ADGRG6: variants seen among roughly 807,000 people sequenced by gnomAD.
ADGRG6 encodes adhesion G protein-coupled receptor G6, also known as G-protein coupled receptor 126.
ADGRG6 carries 84 observed loss-of-function variants against 142.4 expected under a neutral mutation model. The ratio of observed to expected loss-of-function variants is 0.59; its 90% CI spans 0.49 to 0.71. The LOEUF is 0.71. ADGRG6 is among the 30% of genes least tolerant of loss of function. The probability of loss-of-function intolerance (pLI) is 0.00; values close to 1 mark genes in which losing one functional copy is unlikely to be tolerated. For synonymous variants in ADGRG6, 521 were observed against 520.5 expected (o/e 1.00, Z -0.01); for missense variants, 1,367 against 1,466.6 (o/e 0.93, Z 1.11).
intron 2 of ADGRG6, among the ~76,000 whole-genome samples, chr6:142,317,046 C>T (rs1278089266): frequency 6.6e-6 from 1 of 152,082 alleles, no homozygotes; most frequent in African/African-American, 2.4e-5. Flanking sequence ...TTCAATACTG[C>T]TGATAACCTA....
chr6:142,330,222 G>T (rs1479822954), intron 2 of ADGRG6, among the ~76,000 whole-genome samples: 2 of 151,880 alleles, frequency 1.3e-5, no homozygotes, highest in Non-Finnish European at 2.9e-5. Flanking sequence ...GGCTGCATTG[G>T]ATCAGGAAAA....
intron 6 of ADGRG6, among the ~76,000 whole-genome samples, chr6:142,386,290 C>G (rs536987102): frequency 2.4e-4 from 36 of 152,238 alleles, no homozygotes; most frequent in Non-Finnish European, 4.1e-4. Flanking sequence ...GTAATGAAAC[C>G]AATCTTACCA....
chr6:142,414,853 G>A (rs1291025807), intron 18 of ADGRG6, 116 bp from the exon 19 acceptor site: 2 of 625,826 alleles, frequency 3.2e-6, no homozygotes, highest in African/African-American at 3.7e-5. Flanking sequence ...TTACACTGTT[G>A]GTTTTAGCCC....
At chr6:142,390,390 C>A in intron 7 of ADGRG6, 47 bp downstream of exon 7, 1 of 1,039,420 alleles carries the variant, frequency 9.6e-7, no homozygotes, top group South Asian at 1.4e-5. Context: ...TCTTTAACTT[C>A]TGGGAATCTG....
intron 24 of ADGRG6, 58 bp from the exon 25 acceptor site, chr6:142,443,279 G>A (rs917679604): frequency 6.3e-6 from 7 of 1,116,986 alleles, no homozygotes; most frequent in Admixed American, 4.0e-5. Flanking sequence ...CAATATGGTG[G>A]CCTGTAGGCA....
chr6:142,324,404 A>G (rs1778661894), intron 2 of ADGRG6, among the ~76,000 whole-genome samples: 1 of 152,024 alleles, frequency 6.6e-6, no homozygotes, highest in Non-Finnish European at 1.5e-5. Context: ...CTTACACATA[A>G]TCTAAGAAAT....
chr6:142,355,016 A>C (rs1262068354), intron 2 of ADGRG6, among the ~76,000 whole-genome samples: 1 of 152,200 alleles, frequency 6.6e-6, no homozygotes, highest in Non-Finnish European at 1.5e-5. Context: ...AGAGTGATCT[A>C]TTATCCAAAC....
chr6:142,339,799 A>G (rs927828520), intron 2 of ADGRG6, among the ~76,000 whole-genome samples: 1 of 152,180 alleles, frequency 6.6e-6, no homozygotes, highest in African/African-American at 2.4e-5. Flanking sequence ...TTAATGGCAG[A>G]TAATTGGTTT....
At chr6:142,440,895 GT>G in intron 24 of ADGRG6, 2 of 1,349,824 alleles carry the variant, frequency 1.5e-6, no homozygotes, top group African/African-American at 1.5e-5. Flanking sequence ...ATATTCATAT[GT>G]TTATGGTATA....
intron 23 of ADGRG6, 44 bp from the exon 24 acceptor site, chr6:142,438,168 C>G (rs750998171): frequency 1.3e-5 from 17 of 1,345,200 alleles, no homozygotes. Flanking sequence ...AGTTCATATT[C>G]CCGGTAAAGC....
chr6:142,318,142 A>T lies in ADGRG6; in HGVS notation c.103+8498A>T, dbSNP rs866756891. The stretch of plus-strand genomic sequence containing the variant: ...ATTATATATATTATATATTTATATA[A>T]TATATATTATATATTATATATATTA... On this transcript the variant is annotated intron_variant, in intron 2 of 24. Transcript: ENST00000367609. Among the ~76,000 whole-genome samples the T allele has an allele frequency of 6.3e-3, 178 of 28,206 alleles. 2 individuals are homozygous for T. The highest frequency in any genetic ancestry group is 0.05 in the Middle Eastern group (1 of 20). 18.5% of individuals were successfully genotyped at this position (28,206 alleles called of 152,430 possible).
chr6:142,428,196 T>C (rs1316800291), intron 22 of ADGRG6, among the ~76,000 whole-genome samples: 1 of 152,236 alleles, frequency 6.6e-6, no homozygotes, highest in Middle Eastern at 3.4e-3. Flanking sequence ...TTGAAGAGTC[T>C]ATCTATAAAA....
intron 2 of ADGRG6, among the ~76,000 whole-genome samples, chr6:142,336,126 T>C (rs1028340447): frequency 2.0e-5 from 3 of 152,222 alleles, no homozygotes; most frequent in Non-Finnish European, 4.4e-5. Context: ...TGTGCAGGTC[T>C]ATGTGCAGGT....
chr6:142,434,613 G>A (rs1309653130), intron 22 of ADGRG6, among the ~76,000 whole-genome samples: 13 of 152,202 alleles, frequency 8.5e-5, no homozygotes, highest in South Asian at 6.2e-4. Context: ...AAGCCACCGC[G>A]TCCGGCCCTG....
chr6:142,368,100 A>AG (rs1781042931), intron 3 of ADGRG6, among the ~76,000 whole-genome samples, 190 bp downstream of exon 3: 2 of 152,226 alleles, frequency 1.3e-5, no homozygotes, highest in East Asian at 3.8e-4. Flanking sequence ...CAGATCCAAA[A>AG]TGTGGTTACA....
chr6:142,312,327 A>T (rs758833361), intron 2 of ADGRG6, among the ~76,000 whole-genome samples: 14 of 152,072 alleles, frequency 9.2e-5, no homozygotes, highest in Non-Finnish European at 2.1e-4. Context: ...AGGTAAGTTA[A>T]CATTTATATT....
chr6:142,440,649 A>C (rs999159725), intron 24 of ADGRG6, among the ~76,000 whole-genome samples: 1 of 152,166 alleles, frequency 6.6e-6, no homozygotes, highest in Non-Finnish European at 1.5e-5. Flanking sequence ...CTTAACAAAA[A>C]ACCCTTGGGG....
chr6:142,409,998 A>C, intron 17 of ADGRG6, 79 bp downstream of exon 17: 1 of 604,326 alleles, frequency 1.7e-6, no homozygotes, highest in Non-Finnish European at 2.9e-6. Context: ...CATTTCCTTT[A>C]ATTCCACCCC....
chr6:142,436,095 A>G (rs1327930965), intron 22 of ADGRG6, among the ~76,000 whole-genome samples: 1 of 152,080 alleles, frequency 6.6e-6, no homozygotes, highest in East Asian at 1.9e-4. Flanking sequence ...CCTTTGAGCA[A>G]TATGTGTTGG....
Sources: allele counts gnomAD v4.1 joint callset (sites outside exome capture counted in the v4.1 genomes callset), GRCh38; gene constraint gnomAD v4.1.1; transcripts MANE v1.5; gene names NCBI Gene and HGNC (gene_info 2026-07-23, HGNC 2026-07-21).